The following COL19A1 variants were observed in gnomAD, a reference collection of about 807,000 sequenced individuals.
COL19A1 encodes collagen alpha-1(XIX) chain.
In COL19A1, 159 loss-of-function variants were observed where a neutral mutation model predicts 190.2. The observed-to-expected ratio is 0.84, with a 90% CI of 0.73 to 0.95. The LOEUF is 0.95. Ranked by LOEUF, COL19A1 falls within the 40% of genes least tolerant of loss-of-function variation. COL19A1 has a pLI of 0.00. For missense variants in COL19A1, 1,418 were observed against 1,431.9 expected (o/e 0.99, Z 0.16); for synonymous variants, 509 against 458.9 (o/e 1.11, Z -1.39).
intron 44 of COL19A1, among the ~76,000 whole-genome samples, chr6:70,181,998 G>C (rs1766206582): frequency 6.6e-6 from 1 of 152,316 alleles, no homozygotes; most frequent in South Asian, 2.1e-4. Context: ...ATGAAGTTTG[G>C]ATTTCATTTG....
intron 4 of COL19A1, among the ~76,000 whole-genome samples, chr6:69,923,702 A>G (rs766241396): frequency 4.6e-4 from 70 of 152,298 alleles, no homozygotes; most frequent in Non-Finnish European, 8.7e-4. Flanking sequence ...ACATATTTCT[A>G]TGTTACAGGG....
chr6:70,195,297 A>G (rs979310456), intron 48 of COL19A1, among the ~76,000 whole-genome samples: 2 of 152,042 alleles, frequency 1.3e-5, no homozygotes, highest in Non-Finnish European at 2.9e-5. Context: ...GGCTGTCTGC[A>G]TACATAAGAG....
At chr6:69,872,529 A>G (rs918069823) in intron 1 of COL19A1, among the ~76,000 whole-genome samples, 6 of 152,184 alleles carry the variant, frequency 3.9e-5, no homozygotes, top group Admixed American at 3.9e-4. Flanking sequence ...TCCTTATTCA[A>G]ATATCTTTGG....
intron 14 of COL19A1, among the ~76,000 whole-genome samples, chr6:70,062,700 G>C (rs537804392): frequency 9.5e-4 from 145 of 152,226 alleles, no homozygotes; most frequent in African/African-American, 3.4e-3. Flanking sequence ...TGGATAAAGA[G>C]TCAAGACCCA....
In COL19A1 at chr6:69,914,112, T is replaced by C. The variant is rs116968665; in HGVS notation, c.266+13774T>C. 5.4e-3 allele frequency among the ~76,000 whole-genome samples: 824 copies of C among 152,270 alleles called. 19 individuals are homozygous for C. In the East Asian group the frequency reaches 0.066, roughly 12 times the overall value. ...GGACTTGTTTTCAATGGGAAGTCGT[T>C]TACAATGCCACATTGAACTAGTGCT... On this transcript the variant is annotated intron_variant, in intron 4 of 50. Transcript: ENST00000620364.
At chr6:70,083,020 C>G (rs543356576) in intron 15 of COL19A1, among the ~76,000 whole-genome samples, 1 of 152,300 alleles carries the variant, frequency 6.6e-6, no homozygotes, top group Admixed American at 6.5e-5. Context: ...CTGTGCAGCC[C>G]GGTTCCTAAC....
chr6:70,021,328 A>G (rs1778401269), intron 11 of COL19A1, among the ~76,000 whole-genome samples: 1 of 152,006 alleles, frequency 6.6e-6, no homozygotes, highest in East Asian at 1.9e-4. Flanking sequence ...TTTTATTACC[A>G]CTGTCAAGCT....
At chr6:70,190,430 C>G (rs1290180913) in intron 48 of COL19A1, 49 bp downstream of exon 48, 1 of 1,221,052 alleles carries the variant, frequency 8.2e-7, no homozygotes, top group East Asian at 2.4e-5. Flanking sequence ...ATTCCCACCT[C>G]CCACCTACTA....
intron 14 of COL19A1, among the ~76,000 whole-genome samples, chr6:70,036,440 T>C (rs1779355174): frequency 6.6e-6 from 1 of 152,196 alleles, no homozygotes; most frequent in African/African-American, 2.4e-5. Context: ...GATGATAAAA[T>C]TGCAATATTT....
chr6:70,189,001 C>T (rs1185585092), intron 47 of COL19A1, among the ~76,000 whole-genome samples: 1 of 152,152 alleles, frequency 6.6e-6, no homozygotes. Context: ...TGAATAAAGC[C>T]TGTGTAACTT....
intron 11 of COL19A1, among the ~76,000 whole-genome samples, chr6:69,973,021 A>C (rs763802584): frequency 3.9e-5 from 6 of 152,224 alleles, no homozygotes; most frequent in Non-Finnish European, 8.8e-5. Flanking sequence ...TTTAAGTACA[A>C]ATAAATATGA....
chr6:70,078,701 A>G (rs550671572), intron 15 of COL19A1, among the ~76,000 whole-genome samples: 2 of 152,280 alleles, frequency 1.3e-5, no homozygotes, highest in East Asian at 3.9e-4. Context: ...AATCCTTAAC[A>G]TCACTGACAC....
chr6:70,082,737 C>G (rs1782337495), intron 15 of COL19A1, among the ~76,000 whole-genome samples: 1 of 152,154 alleles, frequency 6.6e-6, no homozygotes, highest in African/African-American at 2.4e-5. Context: ...AAAAGTTATC[C>G]TCTAAAACAA....
chr6:69,942,846 G>A (rs1271838077), intron 9 of COL19A1, among the ~76,000 whole-genome samples: 1 of 151,768 alleles, frequency 6.6e-6, no homozygotes, highest in Non-Finnish European at 1.5e-5. Flanking sequence ...ATTGTGAGTA[G>A]TGCTGTAATA....
At chr6:70,079,585 T>G (rs1782111120) in intron 15 of COL19A1, among the ~76,000 whole-genome samples, 1 of 152,120 alleles carries the variant, frequency 6.6e-6, no homozygotes, top group African/African-American at 2.4e-5. Flanking sequence ...AAGAAAGTTT[T>G]GAAAGGGAGG....
chr6:70,168,080 T>G lies in COL19A1; in HGVS notation c.2496+5T>G. On this transcript the variant is annotated splice_donor_5th_base_variant and intron_variant, in intron 38 of 50. Transcript: ENST00000620364. ...AGCAGTTTATATAAAATTAAGGTAT[T>G]TATATTTGTAATTATTTAAAATCCA... The G allele has an allele frequency of 6.3e-7, 1 of 1,588,534 alleles. No homozygotes were observed. Among genetic ancestry groups the G allele is most frequent in the East Asian group, 2.3e-5 (1 of 43,816 alleles).
chr6:70,115,269 T>A (rs1366139533), intron 16 of COL19A1, among the ~76,000 whole-genome samples: 1 of 152,216 alleles, frequency 6.6e-6, no homozygotes, highest in Non-Finnish European at 1.5e-5. Context: ...ATGGAATGAT[T>A]TTGGACTTGG....
At chr6:69,922,549 C>T (rs1243484410) in intron 4 of COL19A1, among the ~76,000 whole-genome samples, 5 of 143,646 alleles carry the variant, frequency 3.5e-5, no homozygotes, top group African/African-American at 7.8e-5. Flanking sequence ...GGTGCAATCT[C>T]GGCTCACTGC....
chr6:70,176,422 A>G, intron 41 of COL19A1, 98 bp from the exon 42 acceptor site: 2 of 1,281,024 alleles, frequency 1.6e-6, no homozygotes, highest in Non-Finnish European at 2.2e-6. Flanking sequence ...GATCCAAAGG[A>G]AAGCTTTACC....
Sources: gnomAD v4.1 joint callset for allele counts (sites outside exome capture counted in the v4.1 genomes callset) on GRCh38, gnomAD v4.1.1 for gene constraint, MANE v1.5 for transcripts, NCBI Gene and HGNC (gene_info 2026-07-23, HGNC 2026-07-21) for gene names.